The following C20orf203 variants were observed in gnomAD, a reference collection of about 807,000 sequenced individuals.
C20orf203 encodes the protein chromosome 20 open reading frame 203.
Under a neutral mutation model 15.9 loss-of-function variants are expected in C20orf203, and 16 were observed. The ratio of observed to expected loss-of-function variants is 1.01; its 90% confidence interval spans 0.68 to 1.53. The LOEUF (loss-of-function observed/expected upper bound fraction) is 1.53. Among genes scored for constraint, C20orf203 ranks in the 40% most tolerant of loss-of-function variants. The pLI is 0.00. For synonymous variants in C20orf203, 98 were observed against 97.2 expected, an observed-to-expected ratio of 1.01 and a Z score of -0.05; for missense variants, 263 against 247.5, an observed-to-expected ratio of 1.06 and a Z score of -0.42.
Position 32,650,365 on chromosome 20 carries a change from C to T in C20orf203, c.*67G>A. 1.7e-6 allele frequency: 2 copies of T among 1,180,234 alleles called. No homozygotes were observed. Among genetic ancestry groups the T allele is most frequent in the East Asian group, 5.1e-5 (2 of 39,164 alleles). 73.1% of individuals were successfully genotyped at this position (1,180,234 alleles called of 1,614,324 possible). ...TGTGGGGGGTGGTAACAGGGGACAC[C>T]CTGAGGTGGTGGTGGCCTTGGTAGG... On this transcript the variant is annotated 3_prime_UTR_variant, in exon 4 of 6. Transcript: ENST00000608990.
At chr20:32,663,484 A>G (rs1016738167) in intron 1 of C20orf203, among the ~76,000 whole-genome samples, 25 of 152,192 alleles carry the variant, frequency 1.6e-4, no homozygotes, top group African/African-American at 5.5e-4. Context: ...ACACATATAT[A>G]CATATATATA....
At chr20:32,654,257 A>C (rs1982705845) in intron 1 of C20orf203, among the ~76,000 whole-genome samples, 1 of 152,238 alleles carries the variant, frequency 6.6e-6, no homozygotes, top group African/African-American at 2.4e-5. Context: ...TTATACTAGC[A>C]TCAAAGAGAA....
At position 32,632,779 on chromosome 20, in the gene C20orf203, C is replaced by T. The variant is rs1982035131; in HGVS notation, c.*2791G>A. 1 of 152,214 alleles carries T rather than the reference C, an allele frequency of 6.6e-6. No homozygotes were observed. The highest frequency in any genetic ancestry group is 6.5e-5 in the Admixed American group (1 of 15,288). The allele number at this position is 152,214 out of a possible 1,614,324, so 9.4% of individuals were successfully genotyped here. A position where few individuals can be genotyped will look rare whatever the true frequency, so the allele number is the denominator to read the frequency against. The stretch of plus-strand genomic sequence containing the variant: ...CAACAGCCCTGGGAGGCAGGTGGTC[C>T]CTGTGTTAGAGATGAGGAAACCAGG... On this transcript the variant is annotated 3_prime_UTR_variant, in exon 6 of 6. Transcript: ENST00000608990.
intron 4 of C20orf203, among the ~76,000 whole-genome samples, chr20:32,642,035 C>G (rs1192049370): frequency 6.6e-6 from 1 of 152,086 alleles, no homozygotes; most frequent in Non-Finnish European, 1.5e-5. Context: ...GAGACGGGTT[C>G]TCTCCATGTT....
At chr20:32,655,814 G>T (rs1982740479) in intron 1 of C20orf203, among the ~76,000 whole-genome samples, 1 of 152,088 alleles carries the variant, frequency 6.6e-6, no homozygotes, top group Non-Finnish European at 1.5e-5. Flanking sequence ...AATAAAAATA[G>T]AAACAGGCAG....
intron 4 of C20orf203, among the ~76,000 whole-genome samples, chr20:32,641,057 G>A (rs899555206): frequency 3.3e-5 from 5 of 152,140 alleles, no homozygotes; most frequent in Non-Finnish European, 7.3e-5. Flanking sequence ...GGTGGCTCAT[G>A]CTTGTAATCC....
At chr20:32,636,850 C>T (rs565366620) in intron 5 of C20orf203, among the ~76,000 whole-genome samples, 2 of 152,304 alleles carry the variant, frequency 1.3e-5, no homozygotes, top group African/African-American at 4.8e-5. Context: ...CCAGGACTGC[C>T]CAGTTTTAGC....
At chr20:32,670,521 T>A (rs957491852) in intron 1 of C20orf203, among the ~76,000 whole-genome samples, 1 of 146,504 alleles carries the variant, frequency 6.8e-6, no homozygotes, top group African/African-American at 2.5e-5. Flanking sequence ...AAAATAAAAA[T>A]AAATAAAAAA....
intron 4 of C20orf203, among the ~76,000 whole-genome samples, chr20:32,644,710 T>A (rs1982375752): frequency 6.6e-6 from 1 of 151,952 alleles, no homozygotes; most frequent in Non-Finnish European, 1.5e-5. Flanking sequence ...TCCCAGAGAG[T>A]GGCCTCTTGA....
At chr20:32,655,236 G>T (rs1982726113) in intron 1 of C20orf203, among the ~76,000 whole-genome samples, 1 of 152,088 alleles carries the variant, frequency 6.6e-6, no homozygotes, top group Non-Finnish European at 1.5e-5. Context: ...GATACCAAAA[G>T]CACAAGCAAC....
At chr20:32,653,203 T>C (rs1982680613) in intron 1 of C20orf203, among the ~76,000 whole-genome samples, 1 of 152,164 alleles carries the variant, frequency 6.6e-6, no homozygotes, top group Non-Finnish European at 1.5e-5. Context: ...GGTGGACCAC[T>C]CTTTCCACTA....
intron 1 of C20orf203, among the ~76,000 whole-genome samples, chr20:32,661,381 G>A (rs1380084417): frequency 6.6e-6 from 1 of 152,210 alleles, no homozygotes; most frequent in African/African-American, 2.4e-5. Flanking sequence ...AAAGGTCTAA[G>A]TAGGCCAGGC....
At chr20:32,648,643 A>G (rs1185679645) in intron 4 of C20orf203, among the ~76,000 whole-genome samples, 12 of 148,152 alleles carry the variant, frequency 8.1e-5, no homozygotes, top group African/African-American at 3.0e-4. Context: ...TAGTAGAGAC[A>G]GGGTTTCACC....
chr20:32,641,333 CAAAAA>C (rs71338447), intron 4 of C20orf203, among the ~76,000 whole-genome samples: 3 of 56,972 alleles, frequency 5.3e-5, no homozygotes, highest in Admixed American at 2.2e-4. Context: ...CTCAAAAACT[CAAAAA>C]AAAAAAAAAA....
chr20:32,644,454 C>G (rs774599761), intron 4 of C20orf203, among the ~76,000 whole-genome samples: 3 of 151,894 alleles, frequency 2.0e-5, no homozygotes, highest in Non-Finnish European at 4.4e-5. Flanking sequence ...TCTCTAAAAC[C>G]AAAACAAACC....
At chr20:32,643,498 A>G (rs554471842) in intron 4 of C20orf203, among the ~76,000 whole-genome samples, 1 of 152,190 alleles carries the variant, frequency 6.6e-6, no homozygotes, top group African/African-American at 2.4e-5. Context: ...AAAGTGTTAG[A>G]CTATTCTGGC....
chr20:32,642,930 G>C (rs1982322790), intron 4 of C20orf203, among the ~76,000 whole-genome samples: 1 of 152,100 alleles, frequency 6.6e-6, no homozygotes, highest in South Asian at 2.1e-4. Context: ...AACGAAATGA[G>C]ACCCTAAGGC....
intron 1 of C20orf203, among the ~76,000 whole-genome samples, chr20:32,669,649 C>G (rs568915932): frequency 1.3e-5 from 2 of 152,272 alleles, no homozygotes; most frequent in South Asian, 4.1e-4. Context: ...TTACACAACA[C>G]AAAAATCAAC....
chr20:32,634,852 T>G (rs1472738005), intron 5 of C20orf203, among the ~76,000 whole-genome samples: 1 of 152,226 alleles, frequency 6.6e-6, no homozygotes, highest in Admixed American at 6.5e-5. Flanking sequence ...TGTCAAATGC[T>G]TCACAGTGGT....
Sources: gnomAD v4.1 joint callset for allele counts (sites outside exome capture counted in the v4.1 genomes callset) on GRCh38, gnomAD v4.1.1 for gene constraint, MANE v1.5 for transcripts, NCBI Gene and HGNC (gene_info 2026-07-23, HGNC 2026-07-21) for gene names.